Variants in FGGY observed in about 807,000 individuals in gnomAD.
FGGY encodes the protein FGGY carbohydrate kinase domain containing, also known as FGGY carbohydrate kinase domain-containing protein.
Under a neutral mutation model 71.3 loss-of-function variants are expected in FGGY, and 72 were observed. The observed-to-expected ratio is 1.01, with a 90% CI of 0.84 to 1.23. The LOEUF is 1.23. Ranked by LOEUF, FGGY falls within the 50% of genes most tolerant of loss-of-function variation. FGGY has a pLI of 0.00. For synonymous variants in FGGY, 251 were observed against 250.3 expected (o/e 1.00, Z -0.02); for missense variants, 668 against 682.3 (o/e 0.98, Z 0.23).
At chr1:59,334,122 G>C (rs835384) in intron 2 of FGGY, among the ~76,000 whole-genome samples, 61,851 of 151,904 alleles carry the variant, frequency 0.41, 13,090 homozygotes, top group African/African-American at 0.51. Flanking sequence ...CCTTTCCCTC[G>C]CCAATCATCC....
chr1:59,760,524 C>A (rs529729503), intron 15 of FGGY, among the ~76,000 whole-genome samples: 1 of 152,008 alleles, frequency 6.6e-6, no homozygotes, highest in African/African-American at 2.4e-5. Context: ...TTCATGATAG[C>A]GAAAATCATG....
chr1:59,627,153 G>T (rs994096792), intron 10 of FGGY, among the ~76,000 whole-genome samples: 1 of 151,914 alleles, frequency 6.6e-6, no homozygotes, highest in South Asian at 2.1e-4. Flanking sequence ...TACAAAGGGG[G>T]TTGGGAAAAG....
chr1:59,697,504 C>G (rs933772651), intron 14 of FGGY: 2 of 397,908 alleles, frequency 5.0e-6, no homozygotes, highest in East Asian at 1.6e-4. Flanking sequence ...CAAGGTTTAT[C>G]CATGCTGTAG....
At chr1:59,302,858 A>T in intron 1 of FGGY, among the ~76,000 whole-genome samples, 1 of 152,176 alleles carries the variant, frequency 6.6e-6, no homozygotes, top group East Asian at 1.9e-4. Context: ...AACCCCAAAA[A>T]ACCCTGTTTA....
chr1:59,533,066 G>T (rs1003461579), intron 7 of FGGY, among the ~76,000 whole-genome samples: 3 of 152,176 alleles, frequency 2.0e-5, no homozygotes, highest in African/African-American at 4.8e-5. Context: ...CACAGCAGAC[G>T]GTGATTTCTG....
intron 7 of FGGY, among the ~76,000 whole-genome samples, chr1:59,549,858 G>A (rs2095581707): frequency 6.6e-6 from 1 of 152,174 alleles, no homozygotes; most frequent in South Asian, 2.1e-4. Flanking sequence ...GATGAAGGGA[G>A]ACAGCATATT....
At chr1:59,398,581 A>G (rs1348805270) in intron 5 of FGGY, among the ~76,000 whole-genome samples, 1 of 152,142 alleles carries the variant, frequency 6.6e-6, no homozygotes, top group Non-Finnish European at 1.5e-5. Context: ...GCCATTTGCC[A>G]TGGGAAAATG....
intron 14 of FGGY, among the ~76,000 whole-genome samples, chr1:59,708,927 C>A (rs2097774298): frequency 1.3e-5 from 2 of 152,158 alleles, no homozygotes. Context: ...TACAAACATT[C>A]AAAAATCCAA....
intron 12 of FGGY, among the ~76,000 whole-genome samples, chr1:59,666,134 C>T (rs376135707): frequency 3.3e-4 from 50 of 152,170 alleles, no homozygotes; most frequent in African/African-American, 1.1e-3. Context: ...GGTGGCTGTG[C>T]CATCTGTGGA....
At chr1:59,508,332 G>T (rs80059774) in intron 6 of FGGY, among the ~76,000 whole-genome samples, 1 of 152,344 alleles carries the variant, frequency 6.6e-6, no homozygotes, top group African/African-American at 2.4e-5. Flanking sequence ...GGAAATCTAT[G>T]CAGGCAATCA....
At chr1:59,471,218 T>C (rs1240245112) in intron 6 of FGGY, among the ~76,000 whole-genome samples, 1 of 152,206 alleles carries the variant, frequency 6.6e-6, no homozygotes, top group Non-Finnish European at 1.5e-5. Context: ...ATCTGGTTGT[T>C]TGATAAATGT....
At chr1:59,653,478 T>G (rs1210286657) in intron 11 of FGGY, among the ~76,000 whole-genome samples, 2 of 152,160 alleles carry the variant, frequency 1.3e-5, no homozygotes, top group South Asian at 2.1e-4. Flanking sequence ...TAAGCCGGTC[T>G]GAAAAGCGCA....
intron 5 of FGGY, among the ~76,000 whole-genome samples, chr1:59,417,031 C>A (rs1015981170): frequency 1.3e-5 from 2 of 152,144 alleles, no homozygotes; most frequent in Non-Finnish European, 2.9e-5. Context: ...AGTATATTCA[C>A]AGGATTATGC....
At chr1:59,311,612 T>C (rs2153096914) in intron 1 of FGGY, among the ~76,000 whole-genome samples, 1 of 152,368 alleles carries the variant, frequency 6.6e-6, no homozygotes, top group Non-Finnish European at 1.5e-5. Context: ...ATGGTATATA[T>C]GTACCACATT....
At chr1:59,332,642 G>A (rs1000277879) in intron 2 of FGGY, among the ~76,000 whole-genome samples, 1 of 152,180 alleles carries the variant, frequency 6.6e-6, no homozygotes, top group African/African-American at 2.4e-5. Context: ...GTCTCTGTTT[G>A]AAAGATAGAG....
At chr1:59,596,196 CT>C (rs961003556) in intron 8 of FGGY, among the ~76,000 whole-genome samples, 18 of 147,130 alleles carry the variant, frequency 1.2e-4, no homozygotes, top group Non-Finnish European at 1.2e-4. Context: ...TAAGTGTTTT[CT>C]TTTTTTTTTA....
chr1:59,629,353 T>C (rs1224570393), intron 10 of FGGY, among the ~76,000 whole-genome samples: 1 of 152,214 alleles, frequency 6.6e-6, no homozygotes, highest in East Asian at 1.9e-4. Flanking sequence ...TAGTAAAATA[T>C]ACGTAGTGTG....
intron 5 of FGGY, among the ~76,000 whole-genome samples, chr1:59,434,213 A>T (rs928337154): frequency 6.6e-6 from 1 of 152,220 alleles, no homozygotes; most frequent in African/African-American, 2.4e-5. Flanking sequence ...GTTAAGGCAG[A>T]CTTTGTGTCT....
At chr1:59,385,024 G>A (rs1434324013) in intron 5 of FGGY, among the ~76,000 whole-genome samples, 1 of 152,088 alleles carries the variant, frequency 6.6e-6, no homozygotes, top group African/African-American at 2.4e-5. Context: ...AGGCTAGAGG[G>A]TCTTTTTTAA....
Sources: gnomAD v4.1 joint callset for allele counts (sites outside exome capture counted in the v4.1 genomes callset) on GRCh38, gnomAD v4.1.1 for gene constraint, MANE v1.5 for transcripts, NCBI Gene and HGNC (gene_info 2026-07-23, HGNC 2026-07-21) for gene names.